Variants in CPEB2 observed in about 807,000 individuals in gnomAD.
CPEB2 encodes cytoplasmic polyadenylation element binding protein 2.
In CPEB2, 56 loss-of-function variants were observed where a neutral mutation model predicts 93.6. The ratio of observed to expected loss-of-function variants is 0.60; its 90% CI spans 0.48 to 0.75. CPEB2 has a LOEUF of 0.75. Ranked by LOEUF, CPEB2 falls within the 30% of genes least tolerant of loss-of-function variation. The pLI, the probability that CPEB2 is intolerant of heterozygous loss-of-function variation, is 0.00. For missense variants in CPEB2, 1,579 were observed against 1,395.1 expected, an observed-to-expected ratio of 1.13 and a Z score of -2.10; for synonymous variants, 764 against 586.3, an observed-to-expected ratio of 1.30 and a Z score of -4.38.
At chr4:15,036,507 A>C (rs1186710692) in intron 5 of CPEB2, among the ~76,000 whole-genome samples, 1 of 152,176 alleles carries the variant, frequency 6.6e-6, no homozygotes, top group Non-Finnish European at 1.5e-5. Context: ...ATAAATCCTA[A>C]ACACTTTTTA....
intron 4 of CPEB2, among the ~76,000 whole-genome samples, chr4:15,018,342 TC>T (rs1724407662): frequency 6.6e-6 from 1 of 151,872 alleles, no homozygotes. Flanking sequence ...TAAAAAGAAT[TC>T]CTTGTCTTTT....
At position 15,066,856 on chromosome 4, in the gene CPEB2, TA is replaced by T. The variant is rs1729737424; in HGVS notation, c.*479del. On this transcript the variant is annotated 3_prime_UTR_variant, in exon 12 of 12. Coordinates refer to ENST00000538197, the MANE Select transcript of CPEB2 (RefSeq NM_001177382.2). ...ATTGTTGCTATTTTCAGTGTATACA[TA>T]AACTAAAAATTAGGGTTGATTTTTT... The T allele has an allele frequency of 6.5e-6, 1 of 154,350 alleles. No individual in the cohort carries two copies. The highest frequency in any genetic ancestry group is 1.4e-5 in the Non-Finnish European group (1 of 69,252). The allele number at this position is 154,350 out of a possible 1,614,324, so 9.6% of individuals were successfully genotyped here.
chr4:15,004,412 C>A, intron 1 of CPEB2, 77 bp downstream of exon 1: 1 of 1,117,642 alleles, frequency 8.9e-7, no homozygotes, highest in Non-Finnish European at 1.2e-6. Flanking sequence ...GGCAGGGCAG[C>A]CGGGGACCCG....
chr4:15,012,933 C>G (rs1723676913), intron 3 of CPEB2, among the ~76,000 whole-genome samples: 1 of 151,750 alleles, frequency 6.6e-6, no homozygotes, highest in South Asian at 2.1e-4. Flanking sequence ...TTTAATGTAT[C>G]CCAGCAAAAA....
chr4:15,059,213 T>C lies in CPEB2; in HGVS notation c.2607T>C (p.Ser869=). 1 of 1,611,476 alleles carries C rather than the reference T, an allele frequency of 6.2e-7. No homozygotes were observed. The highest frequency in any genetic ancestry group is 8.5e-7 in the Non-Finnish European group (1 of 1,178,214). The change falls in exon 10 of 12, where the codon AGT becomes AGC. Residue 869 remains serine (S), a synonymous_variant. Coordinates refer to ENST00000538197, the MANE Select transcript of CPEB2 (RefSeq NM_001177382.2). ...TTCAAATACGTCCTTGGAATTTAAG[T>C]GATAGTGATTTTGTAATGGATGGTT... ...KPVQIRPWNL[S]DSDFVMDGSQ... is the part of the protein sequence containing the mutation.
In CPEB2 at chr4:15,066,085, T is replaced by A. The variant is rs1003241051; in HGVS notation, c.2878-68T>A. The A allele has an allele frequency of 9.6e-6, 13 of 1,359,850 alleles. No homozygotes were observed. The Admixed American group carries it at 1.8e-4, about 19-fold the overall frequency. The allele number at this position is 1,359,850 out of a possible 1,614,324, so 84.2% of individuals were successfully genotyped here. ...GTCCTTTTTTTCTGCTGTAGAACATTTTAAGTTATTACAGAATTTGATTTC... is the reference window on the plus strand; with the variant it reads ...GTCCTTTTTTTCTGCTGTAGAACATATTAAGTTATTACAGAATTTGATTTC... On this transcript the variant is annotated intron_variant, in intron 11 of 11. Transcript: ENST00000538197.
At chr4:15,016,006 C>T (rs1310166436) in intron 3 of CPEB2, among the ~76,000 whole-genome samples, 1 of 152,040 alleles carries the variant, frequency 6.6e-6, no homozygotes, top group Non-Finnish European at 1.5e-5. Flanking sequence ...GGGGGGACTA[C>T]TGTACACCTA....
In CPEB2 at chr4:15,066,216, G is replaced by A; in HGVS notation, c.2941G>A (p.Gly981Ser). The A allele has an allele frequency of 2.5e-6, 4 of 1,613,482 alleles. No homozygotes were observed. Among genetic ancestry groups the A allele is most frequent in the Non-Finnish European group, 1.7e-6 (2 of 1,179,666 alleles). The part of the protein sequence containing the change: ...MCDECQGARC[G>S]GKFAPFFCAN... ...TGATGAATGCCAGGGCGCACGCTGT[G>A]GTGGAAAATTTGCTCCCTTTTTTTG... Residue 981 changes from glycine to serine, a missense_variant, in exon 12 of 12, where the codon GGT becomes AGT. Physicochemically the swap from Gly to Ser is moderately conservative, Grantham distance 56 (BLOSUM62 0). Transcript: ENST00000538197.
intron 1 of CPEB2, chr4:15,005,008 G>T (rs1722608191): frequency 6.6e-6 from 1 of 152,156 alleles, no homozygotes; most frequent in African/African-American, 2.4e-5. Flanking sequence ...CGGGCGGTCA[G>T]TCGAGCCGCT....
intron 4 of CPEB2, among the ~76,000 whole-genome samples, chr4:15,030,110 C>T (rs1420438823): frequency 6.6e-6 from 1 of 151,934 alleles, no homozygotes; most frequent in Non-Finnish European, 1.5e-5. Flanking sequence ...GTCACTGCAC[C>T]ACAGGTCTTT....
In CPEB2 at chr4:15,002,666, C is replaced by T. The variant is rs1251264284; in HGVS notation, c.-8C>T. ...GAGCGTCTCCTCCCGCTGCCGGCGGCCTGATAAATGAGGGATTTCGGGTTT... is the reference window on the plus strand; with the variant it reads ...GAGCGTCTCCTCCCGCTGCCGGCGGTCTGATAAATGAGGGATTTCGGGTTT... On this transcript the variant is annotated 5_prime_UTR_variant, in exon 1 of 12. Transcript: ENST00000538197. 6 of 1,485,036 alleles carry T rather than the reference C, an allele frequency of 4.0e-6. No individual in the cohort carries two copies. Among genetic ancestry groups the T allele is most frequent in the East Asian group, 5.2e-5 (2 of 38,136 alleles). 92.0% of individuals were successfully genotyped at this position (1,485,036 alleles called of 1,614,324 possible). A position where few individuals can be genotyped will look rare whatever the true frequency, so the allele number is the denominator to read the frequency against.
intron 10 of CPEB2, among the ~76,000 whole-genome samples, chr4:15,060,677 G>A (rs1181871668): frequency 6.6e-6 from 1 of 152,090 alleles, no homozygotes; most frequent in African/African-American, 2.4e-5. Flanking sequence ...ACCATTCAGA[G>A]CTCCCAAATA....
intron 3 of CPEB2, 151 bp downstream of exon 3, chr4:15,008,578 TTG>T: frequency 2.2e-6 from 1 of 449,338 alleles, no homozygotes; most frequent in East Asian, 3.4e-5. Context: ...ATCACCTGCT[TTG>T]AACTATTTAA....
In CPEB2 at chr4:15,068,793, C is replaced by T. The variant is rs551971318; in HGVS notation, c.*2413C>T. On this transcript the variant is annotated 3_prime_UTR_variant, in exon 12 of 12. Transcript: ENST00000538197. ...ATGAAGGGGAATGTACTAGAACACC[C>T]TTTTTGCCACGGGTAAAAATAACAG... 5.9e-5 allele frequency: 9 copies of T among 152,172 alleles called. No individual in the cohort carries two copies. In the East Asian group the frequency reaches 1.7e-3, roughly 30 times the overall value. The allele number at this position is 152,172 out of a possible 1,614,324, so 9.4% of individuals were successfully genotyped here.
At chr4:15,062,547 G>A (rs1321467094) in intron 11 of CPEB2, among the ~76,000 whole-genome samples, 1 of 152,020 alleles carries the variant, frequency 6.6e-6, no homozygotes, top group Non-Finnish European at 1.5e-5. Context: ...TGTTTTAAGA[G>A]CCTGTACATT....
In CPEB2 at chr4:15,046,286, C is replaced by T. The variant is rs147202408; in HGVS notation, c.2200+5799C>T. The stretch of plus-strand genomic sequence containing the variant: ...GCCCAGGCAGGCTGGAGTGCAATGG[C>T]CCGATCTCGGCTCACTGCAACCTCC... On this transcript the variant is annotated intron_variant, in intron 6 of 11. Coordinates refer to ENST00000538197, the MANE Select transcript of CPEB2 (RefSeq NM_001177382.2). 5.7e-3 allele frequency among the ~76,000 whole-genome samples: 871 copies of T among 152,130 alleles called. 9 individuals are homozygous for T. Among genetic ancestry groups the T allele is most frequent in the African/African-American group, 0.019 (772 of 41,518 alleles).
At chr4:15,052,193 T>C (rs1449210921) in intron 6 of CPEB2, among the ~76,000 whole-genome samples, 3 of 152,108 alleles carry the variant, frequency 2.0e-5, no homozygotes, top group African/African-American at 7.2e-5. Flanking sequence ...GCAGTTTAAT[T>C]GTTGACATAT....
chr4:15,046,913 T>G (rs949913601), intron 6 of CPEB2, among the ~76,000 whole-genome samples: 3 of 152,252 alleles, frequency 2.0e-5, no homozygotes, highest in East Asian at 3.8e-4. Flanking sequence ...AATTCTAGTT[T>G]CGTTGTTTTA....
intron 4 of CPEB2, among the ~76,000 whole-genome samples, chr4:15,018,789 T>C (rs2108992810): frequency 6.6e-6 from 1 of 150,626 alleles, no homozygotes; most frequent in South Asian, 2.1e-4. Flanking sequence ...AAAGGCTTTT[T>C]AAACATGTTA....
Sources: gnomAD v4.1 joint callset for allele counts (sites outside exome capture counted in the v4.1 genomes callset) on GRCh38, gnomAD v4.1.1 for gene constraint, MANE v1.5 for transcripts, NCBI Gene and HGNC (gene_info 2026-07-23, HGNC 2026-07-21) for gene names.